Variants in MED12 observed in about 807,000 individuals in gnomAD.
MED12 encodes mediator complex subunit 12.
In MED12, 10 loss-of-function variants were observed where a neutral mutation model predicts 177.7. The observed-to-expected ratio is 0.06, with a 90% CI of 0.03 to 0.10. The LOEUF is 0.10. MED12 is among the 10% of genes least tolerant of loss of function. The pLI is 1.00. For synonymous variants in MED12, 641 were observed against 678.4 expected, an observed-to-expected ratio of 0.94 and a Z score of 0.86; for missense variants, 867 against 1,780.8, an observed-to-expected ratio of 0.49 and a Z score of 9.23.
At chrX:71,141,471 G>A (rs1033669756) in intron 43 of MED12, 101 bp downstream of exon 43, 1 of 1,043,466 alleles carries the variant, frequency 9.6e-7, no homozygotes, top group Non-Finnish European at 1.3e-6. Flanking sequence ...GGTAGAGGTG[G>A]GAGGCAGGGC....
rs750730080 is a variant in MED12 at position 71,126,147 on chromosome X, C to T, written c.2534C>T (p.Thr845Met). The change falls in exon 18 of 45, where the codon ACG (threonine) becomes ATG (methionine). Residue 845 changes from threonine to methionine, a missense_variant. Thr to Met is a moderately conservative substitution (Grantham distance 81). Around this residue, in one of 14 missense-constraint regions of MED12, gnomAD observed 309 missense variants for 556.3 expected, o/e 0.56. Coordinates refer to ENST00000374080, the MANE Select transcript of MED12 (RefSeq NM_005120.3). ...HLSHYDQHQV[T>M]AQVSRNVLEQ... is the part of the protein sequence containing the mutation. ...TCACATTATGACCAACACCAGGTCA[C>T]GGCTCAGGTGTGGGCCTAAGCCCAG... The T allele has an allele frequency of 3.3e-6, 4 of 1,200,659 alleles. No homozygotes were observed. The highest frequency in any genetic ancestry group is 4.5e-6 in the Non-Finnish European group (4 of 885,088).
chrX:71,140,878 C>A, intron 42 of MED12, 21 bp downstream of exon 42: 1 of 1,201,438 alleles, frequency 8.3e-7, no homozygotes, highest in Non-Finnish European at 1.1e-6. Context: ...GGGATTTCAT[C>A]TGGGACCTGG....
intron 24 of MED12, 87 bp downstream of exon 24, chrX:71,128,805 G>T: frequency 9.1e-7 from 1 of 1,100,846 alleles, no homozygotes. Flanking sequence ...GTTCACTGTG[G>T]GAGACCTTGC....
At chrX:71,139,959 C>G (rs1225119346) in intron 41 of MED12, among the ~76,000 whole-genome samples, 3 of 110,946 alleles carry the variant, frequency 2.7e-5, no homozygotes, top group African/African-American at 9.8e-5. Flanking sequence ...GTGATATACA[C>G]ATGTGGTAGA....
At chrX:71,125,742 T>G (rs1206525870) in intron 17 of MED12, 29 bp downstream of exon 17, 7 of 1,106,804 alleles carry the variant, frequency 6.3e-6, no homozygotes, top group Admixed American at 4.6e-5. Context: ...CATACTGCCC[T>G]CCCTCCCTCT....
rs1046757174 is a variant in MED12, at chrX:71,137,577, G to T, written c.5768G>T (p.Gly1923Val). The change falls in exon 40 of 45, where the codon GGA (glycine) becomes GTA (valine). Residue 1923 changes from glycine to valine, a missense_variant. Transcript: ENST00000374080. ...CTTTAGCAGAGTCAGGGCATGTTGGGACAGTCATCTGTCCATCAGATGACT... is the reference window on the plus strand; with the variant it reads ...CTTTAGCAGAGTCAGGGCATGTTGGTACAGTCATCTGTCCATCAGATGACT... The part of the protein sequence containing the change: ...QQLQQSQGML[G>V]QSSVHQMTPS... 3 of 1,207,978 alleles carry T rather than the reference G, an allele frequency of 2.5e-6. No individual in the cohort carries two copies. The African/African-American group carries it at 5.3e-5, about 21-fold the overall frequency.
In MED12 at chrX:71,122,607, G is replaced by A. The variant is rs1569481090; in HGVS notation, c.1348G>A (p.Gly450Ser). 8.3e-7 allele frequency: 1 copy of A among 1,205,904 alleles called. No individual in the cohort carries two copies. The highest frequency in any genetic ancestry group is 2.2e-5 in the Admixed American group (1 of 46,037). Reference sequence around the variant, plus strand: ...CGATAAATGCCAGGAAGCTACTGCAGGTATGTGTCAGAGAACAGATAATAG... The same window carrying A: ...CGATAAATGCCAGGAAGCTACTGCAAGTATGTGTCAGAGAACAGATAATAG... Reference protein sequence around the residue: ...SFDKCQEATAGFTIGRVLHTL... With the variant: ...SFDKCQEATASFTIGRVLHTL... Residue 450 changes from glycine (G) to serine (S), a missense_variant and splice_region_variant, in exon 9 of 45, where the codon GGC (glycine) becomes AGC (serine). Physicochemically the swap from Gly to Ser is moderately conservative, Grantham distance 56. Coordinates refer to ENST00000374080, the MANE Select transcript of MED12 (RefSeq NM_005120.3).
chrX:71,129,439 T>G lies in MED12; in HGVS notation c.3691+10T>G, dbSNP rs759465751. On this transcript the variant is annotated intron_variant, in intron 26 of 44. Transcript: ENST00000374080. ...GCTGTGTTTGTACTTGGTACGGGGG[T>G]AGGAAGGGAGTGGTGCCAGAAGTGT... 1.8e-6 allele frequency: 2 copies of G among 1,141,798 alleles called. No individual in the cohort carries two copies. The highest frequency in any genetic ancestry group is 2.4e-6 in the Non-Finnish European group (2 of 832,672). The allele number at this position is 1,141,798 out of a possible 1,213,427, so 94.1% of individuals were successfully genotyped here.
intron 15 of MED12, 29 bp from the exon 16 acceptor site, chrX:71,125,322 T>G: frequency 8.3e-7 from 1 of 1,210,001 alleles, no homozygotes. Context: ...AGATCGGTGC[T>G]GGAGTCTGAT....
intron 19 of MED12, 36 bp from the exon 20 acceptor site, chrX:71,126,933 C>T: frequency 8.4e-7 from 1 of 1,191,920 alleles, no homozygotes; most frequent in South Asian, 1.8e-5. Context: ...ACACAAGGGG[C>T]CTCTTTGCAT....
rs1457000276 is a variant in MED12, at chrX:71,125,648, T to TC, written c.2372-8dup. 5.1e-6 allele frequency: 3 copies of TC among 584,308 alleles called. No homozygotes were observed. The highest frequency in any genetic ancestry group is 7.8e-6 in the Non-Finnish European group (3 of 386,431). The allele number at this position is 584,308 out of a possible 1,213,427, so 48.2% of individuals were successfully genotyped here. On this transcript the variant is annotated splice_polypyrimidine_tract_variant and intron_variant, in intron 16 of 44. Transcript: ENST00000374080. ...GTCCTTTTGAAACTTCCCCCCTCATTCCCCCCCTCTACAGACCAGCTTGCT... is the reference window on the plus strand; with the variant it reads ...GTCCTTTTGAAACTTCCCCCCTCATTCCCCCCCCTCTACAGACCAGCTTGCT...
chrX:71,125,156 C>A lies in MED12; in HGVS notation c.2226+10C>A, dbSNP rs1215536748. The A allele has an allele frequency of 8.3e-7, 1 of 1,209,709 alleles. No individual in the cohort carries two copies. Among genetic ancestry groups the A allele is most frequent in the South Asian group, 1.8e-5 (1 of 56,886 alleles). ...TTTTCCCATCCCCCAGGTACTATTC[C>A]CCAGCACCTTGTGATGATCTGTTTT... is the stretch of plus-strand genomic sequence containing the variant. On this transcript the variant is annotated intron_variant, in intron 15 of 44. Transcript: ENST00000374080.
At position 71,121,364 on chromosome X, in the gene MED12, T is replaced by A. The variant is rs2092289025; in HGVS notation, c.773T>A (p.Val258Glu). The change falls in exon 6 of 45, where the codon GTG becomes GAG. Residue 258 changes from valine to glutamate, a missense_variant. Val to Glu is a moderately radical substitution (Grantham distance 121). Around this residue, in one of 14 missense-constraint regions of MED12, gnomAD observed 309 missense variants for 556.3 expected, o/e 0.56. Transcript: ENST00000374080. ...GACAGACATGAGTTCCTGACCTGGGTGCTTGAGTGTTTTGAGAAGATCCGC... is the reference window on the plus strand; with the variant it reads ...GACAGACATGAGTTCCTGACCTGGGAGCTTGAGTGTTTTGAGAAGATCCGC... ...MLDRHEFLTWVLECFEKIRPG... is the reference protein window; with the variant it reads ...MLDRHEFLTWELECFEKIRPG... The A allele has an allele frequency of 1.7e-6, 2 of 1,209,762 alleles. No homozygotes were observed. The highest frequency in any genetic ancestry group is 1.8e-5 in the African/African-American group (1 of 57,066).
chrX:71,128,959 G>A (rs1489665065), intron 24 of MED12, 155 bp from the exon 25 acceptor site: 2 of 564,129 alleles, frequency 3.5e-6, no homozygotes, highest in Non-Finnish European at 6.0e-6. Context: ...GCTCTACCTC[G>A]CTTTCAATAT....
Position 71,125,150 on chromosome X carries a change from C to T in MED12, c.2226+4C>T. ...CACCCATTTTCCCATCCCCCAGGTACTATTCCCCAGCACCTTGTGATGATC... is the reference window on the plus strand; with the variant it reads ...CACCCATTTTCCCATCCCCCAGGTATTATTCCCCAGCACCTTGTGATGATC... On this transcript the variant is annotated splice_donor_region_variant and intron_variant, in intron 15 of 44. Coordinates refer to ENST00000374080, the MANE Select transcript of MED12 (RefSeq NM_005120.3). The T allele has an allele frequency of 8.3e-7, 1 of 1,210,721 alleles. No homozygotes were observed. Among genetic ancestry groups the T allele is most frequent in the Non-Finnish European group, 1.1e-6 (1 of 894,807 alleles).
Position 71,121,700 on chromosome X carries a change from C to T in MED12, c.985C>T (p.Pro329Ser), listed in dbSNP as rs2092289811. 4 of 1,211,392 alleles carry T rather than the reference C, an allele frequency of 3.3e-6. No individual in the cohort carries two copies. Among genetic ancestry groups the T allele is most frequent in the Non-Finnish European group, 4.5e-6 (4 of 895,310 alleles). The change falls in exon 7 of 45, where the codon CCC becomes TCC. Residue 329 changes from proline to serine, a missense_variant. By Grantham distance (74) the Pro-to-Ser change is moderately conservative. Around this residue, in one of 14 missense-constraint regions of MED12, gnomAD observed 309 missense variants for 556.3 expected, o/e 0.56. Transcript: ENST00000374080. ...VISAQSTSTLPTTPAPQPPTS... is the reference protein window; with the variant it reads ...VISAQSTSTLSTTPAPQPPTS... Reference sequence around the variant, plus strand: ...ATCTGCTCAGTCAACAAGCACGCTACCCACCACCCCTGCTCCTCAGCCCCC... The same window carrying T: ...ATCTGCTCAGTCAACAAGCACGCTATCCACCACCCCTGCTCCTCAGCCCCC...
intron 33 of MED12, among the ~76,000 whole-genome samples, chrX:71,133,725 G>A (rs1422201416): frequency 1.8e-5 from 2 of 110,886 alleles, no homozygotes; most frequent in South Asian, 7.6e-4. Flanking sequence ...GGTCCAATAG[G>A]TTATGTACCC....
chrX:71,129,023 C>T (rs2092310123), intron 24 of MED12, 91 bp from the exon 25 acceptor site: 1 of 696,699 alleles, frequency 1.4e-6, no homozygotes, highest in African/African-American at 2.1e-5. Flanking sequence ...ATGCCCCTGC[C>T]ATACACTTGC....
chrX:71,123,508 A>C, intron 11 of MED12, 86 bp from the exon 12 acceptor site: 2 of 1,097,608 alleles, frequency 1.8e-6, no homozygotes, highest in Non-Finnish European at 2.5e-6. Context: ...GGTAGAGGTC[A>C]AGCAGGTGGT....
Sources: gnomAD v4.1 joint callset for allele counts (sites outside exome capture counted in the v4.1 genomes callset) on GRCh38, gnomAD v4.1.1 for gene constraint, gnomAD v4.1.1 regional missense constraint, MANE v1.5 for transcripts, NCBI Gene and HGNC (gene_info 2026-07-23, HGNC 2026-07-21) for gene names.